The following ETV6 variants were observed in gnomAD, a reference collection of about 807,000 sequenced individuals.
The protein encoded by ETV6 is ETS variant transcription factor 6.
In ETV6, 16 loss-of-function variants were observed where a neutral mutation model predicts 51.1. That is an observed-to-expected ratio of 0.31 (90% CI 0.21 to 0.48). The LOEUF is 0.48. Among genes scored for constraint, ETV6 ranks in the 20% least tolerant of loss-of-function variants. The pLI is 0.99. For missense variants in ETV6, 458 were observed against 594.8 expected (o/e 0.77, Z 2.39); for synonymous variants, 240 against 224.1 (o/e 1.07, Z -0.64).
At chr12:11,738,150 A>G (rs1272972894) in intron 1 of ETV6, among the ~76,000 whole-genome samples, 1 of 151,936 alleles carries the variant, frequency 6.6e-6, no homozygotes, top group East Asian at 1.9e-4. Flanking sequence ...CAGCATAGAA[A>G]GCCTATGCTG....
At chr12:11,671,128 C>G (rs2724606) in intron 1 of ETV6, among the ~76,000 whole-genome samples, 133,475 of 151,972 alleles carry the variant, frequency 0.88, 60,564 homozygotes, top group Non-Finnish European at 0.99. Context: ...GTAAGGTTGG[C>G]AGGGCGGGGA....
At chr12:11,680,751 G>T (rs943353362) in intron 1 of ETV6, among the ~76,000 whole-genome samples, 1 of 152,172 alleles carries the variant, frequency 6.6e-6, no homozygotes, top group African/African-American at 2.4e-5. Context: ...GACAGTAGTT[G>T]TACCATGTTC....
chr12:11,861,615 A>T (rs545939716), intron 4 of ETV6, among the ~76,000 whole-genome samples: 3 of 152,242 alleles, frequency 2.0e-5, no homozygotes, highest in East Asian at 3.9e-4. Context: ...AGAGATCCCT[A>T]ATATGCATGA....
intron 1 of ETV6, among the ~76,000 whole-genome samples, chr12:11,740,763 C>T (rs1367209019): frequency 6.6e-6 from 1 of 151,908 alleles, no homozygotes; most frequent in African/African-American, 2.4e-5. Flanking sequence ...CTACTTTTAC[C>T]CTTCAGAACC....
At chr12:11,802,527 A>T (rs1279340751) in intron 2 of ETV6, among the ~76,000 whole-genome samples, 1 of 152,192 alleles carries the variant, frequency 6.6e-6, no homozygotes, top group Non-Finnish European at 1.5e-5. Context: ...CTCACTTATG[A>T]ACTTGGAATT....
chr12:11,746,790 C>CTTTTTTTTTT (rs56135545), intron 1 of ETV6, among the ~76,000 whole-genome samples: 1 of 118,656 alleles, frequency 8.4e-6, no homozygotes. Context: ...CTCTCTCTCT[C>CTTTTTTTTTT]TTTTTTTTTT....
intron 2 of ETV6, among the ~76,000 whole-genome samples, chr12:11,774,859 G>A (rs1457513111): frequency 1.3e-5 from 2 of 152,218 alleles, no homozygotes; most frequent in East Asian, 3.8e-4. Context: ...TACTGCTTTA[G>A]ATGTCCCCCA....
At chr12:11,774,503 A>T (rs1945290663) in intron 2 of ETV6, among the ~76,000 whole-genome samples, 1 of 152,154 alleles carries the variant, frequency 6.6e-6, no homozygotes, top group Admixed American at 6.5e-5. Context: ...TCCTGTAGGG[A>T]TGTGATATAA....
intron 2 of ETV6, among the ~76,000 whole-genome samples, chr12:11,779,247 G>T (rs1391025070): frequency 2.0e-5 from 3 of 152,112 alleles, no homozygotes; most frequent in Admixed American, 2.0e-4. Flanking sequence ...CTCTTTTACA[G>T]CTTGTACTTT....
At chr12:11,837,045 A>G (rs1234399266) in intron 2 of ETV6, among the ~76,000 whole-genome samples, 1 of 152,180 alleles carries the variant, frequency 6.6e-6, no homozygotes, top group Admixed American at 6.5e-5. Context: ...TTACCAGTTC[A>G]AAAACTGAGA....
intron 4 of ETV6, among the ~76,000 whole-genome samples, chr12:11,854,068 C>T (rs1306625557): frequency 6.6e-6 from 1 of 152,098 alleles, no homozygotes; most frequent in African/African-American, 2.4e-5. Flanking sequence ...AATGTCGAAT[C>T]AGTGGGAGCC....
At chr12:11,659,989 G>A (rs948742267) in intron 1 of ETV6, among the ~76,000 whole-genome samples, 4 of 152,160 alleles carry the variant, frequency 2.6e-5, no homozygotes, top group African/African-American at 9.7e-5. Context: ...ATGTGTTATA[G>A]TATTCATTAG....
At chr12:11,851,188 A>G (rs1182256063) in intron 3 of ETV6, among the ~76,000 whole-genome samples, 3 of 151,006 alleles carry the variant, frequency 2.0e-5, no homozygotes, top group African/African-American at 2.4e-5. Flanking sequence ...CACTAAATTT[A>G]TATTTCCTGG....
At chr12:11,874,549 CATATATGTGTATGTGCGTGTGTACACAT>C (rs1211170672) in intron 5 of ETV6, among the ~76,000 whole-genome samples, 1,602 of 2,434 alleles carry the variant, frequency 0.66, 672 homozygotes, top group African/African-American at 0.68. Context: ...TGTGTACACA[CATATATGTGTATGTGCGTGTGTACACAT>C]ATATGTGTGT....
chr12:11,695,062 A>G (rs1864849386), intron 1 of ETV6, among the ~76,000 whole-genome samples: 1 of 152,218 alleles, frequency 6.6e-6, no homozygotes, highest in Non-Finnish European at 1.5e-5. Flanking sequence ...GGCCCATGCG[A>G]AACATTTAAT....
At chr12:11,750,975 A>G in intron 1 of ETV6, 1 of 412,278 alleles carries the variant, frequency 2.4e-6, no homozygotes, top group Non-Finnish European at 4.7e-6. Context: ...TGACCCAGAA[A>G]TGAAACCTGG....
At chr12:11,836,421 A>G (rs1259950502) in intron 2 of ETV6, among the ~76,000 whole-genome samples, 1 of 152,196 alleles carries the variant, frequency 6.6e-6, no homozygotes, top group Non-Finnish European at 1.5e-5. Flanking sequence ...GGATCACCAC[A>G]GTCTCCCCTG....
At chr12:11,839,893 A>C (rs1048821549) in intron 3 of ETV6, among the ~76,000 whole-genome samples, 1 of 152,164 alleles carries the variant, frequency 6.6e-6, no homozygotes, top group African/African-American at 2.4e-5. Context: ...AAAAGAAAAA[A>C]ATGCCATTTT....
chr12:11,746,413 G>T (rs1018315435), intron 1 of ETV6, among the ~76,000 whole-genome samples: 1 of 152,158 alleles, frequency 6.6e-6, no homozygotes, highest in African/African-American at 2.4e-5. Context: ...GGGTCATTGT[G>T]AGGCTGAAAT....
Sources: gnomAD v4.1 joint callset for allele counts (sites outside exome capture counted in the v4.1 genomes callset) on GRCh38, gnomAD v4.1.1 for gene constraint, MANE v1.5 for transcripts, NCBI Gene and HGNC (gene_info 2026-07-23, HGNC 2026-07-21) for gene names.